Variants in EYA1 observed in about 807,000 individuals in gnomAD.
EYA1 encodes the protein protein phosphatase EYA1.
EYA1 carries 16 observed loss-of-function variants against 82.0 expected under a neutral mutation model. That is an observed-to-expected ratio of 0.20 (90% confidence interval 0.13 to 0.30). The LOEUF (loss-of-function observed/expected upper bound fraction) is 0.30, where lower values mean the gene tolerates loss of function less well. Among genes scored for constraint, EYA1 ranks in the 10% least tolerant of loss-of-function variants. The pLI is 1.00. For synonymous variants in EYA1, 261 were observed against 264.4 expected (o/e 0.99, Z 0.12); for missense variants, 633 against 730.7 (o/e 0.87, Z 1.54).
chr8:71,231,292 C>T (rs920637808), intron 12 of EYA1, among the ~76,000 whole-genome samples: 2 of 152,204 alleles, frequency 1.3e-5, no homozygotes, highest in East Asian at 3.9e-4. Flanking sequence ...TTACTGGTTA[C>T]CCTCGGCATC....
At chr8:71,264,087 G>T (rs1035871626) in intron 11 of EYA1, among the ~76,000 whole-genome samples, 1 of 152,140 alleles carries the variant, frequency 6.6e-6, no homozygotes, top group Non-Finnish European at 1.5e-5. Flanking sequence ...GAAAATGTTT[G>T]CCAACCCTTG....
At chr8:71,479,774 A>G (rs1001082234) in intron 2 of EYA1, among the ~76,000 whole-genome samples, 1 of 152,132 alleles carries the variant, frequency 6.6e-6, no homozygotes, top group African/African-American at 2.4e-5. Flanking sequence ...TCAACAGTGG[A>G]TAGGGTTTCC....
rs568475123 is a variant in EYA1 at position 71,330,314 on chromosome 8, T to C, written c.202+3783A>G. On this transcript the variant is annotated intron_variant, in intron 4 of 17. Transcript: ENST00000340726. ...TGTTTCAGTGGAAAAGTTATTCCTT[T>C]TCTAGCCTGATCCGCTTCTGTTTTG... 4.6e-5 allele frequency among the ~76,000 whole-genome samples: 7 copies of C among 152,304 alleles called. No homozygotes were observed. The South Asian group carries it at 1.4e-3, about 32-fold the overall frequency.
intron 3 of EYA1, among the ~76,000 whole-genome samples, chr8:71,353,843 G>A (rs927224028): frequency 1.3e-5 from 2 of 152,238 alleles, no homozygotes; most frequent in Non-Finnish European, 1.5e-5. Context: ...TTCTAACATG[G>A]ATAATTTATT....
intron 2 of EYA1, among the ~76,000 whole-genome samples, chr8:71,461,614 A>G (rs545182979): frequency 6.6e-6 from 1 of 152,266 alleles, no homozygotes; most frequent in African/African-American, 2.4e-5. Flanking sequence ...AGGAAGGGGC[A>G]TGTTTCAGCC....
intron 2 of EYA1, among the ~76,000 whole-genome samples, chr8:71,416,486 G>T (rs1292191118): frequency 6.6e-6 from 1 of 152,108 alleles, no homozygotes; most frequent in Non-Finnish European, 1.5e-5. Flanking sequence ...ATGCAAAATG[G>T]AAAAACAGAA....
intron 2 of EYA1, among the ~76,000 whole-genome samples, chr8:71,526,213 T>C (rs923743518): frequency 2.0e-5 from 3 of 147,924 alleles, no homozygotes; most frequent in African/African-American, 7.4e-5. Context: ...AGAGTCATAT[T>C]AATGTATATT....
intron 3 of EYA1, among the ~76,000 whole-genome samples, chr8:71,345,594 TACAAAACTGCTCTC>T (rs754820605): frequency 6.6e-6 from 1 of 152,198 alleles, no homozygotes; most frequent in Non-Finnish European, 1.5e-5. Context: ...TAAGTCCGAC[TACAAAACTGCTCTC>T]ACAAGCATGC....
chr8:71,277,115 A>ATGCTTTTTTTTTTTTTTTTTTTTTTTTTT (rs1563383057), intron 9 of EYA1, among the ~76,000 whole-genome samples: 1 of 76,938 alleles, frequency 1.3e-5, no homozygotes. Context: ...GGCTTCACAC[A>ATGCTTTTTTTTTTTTTTTTTTTTTTTTTT]TTTTTTTTTT....
At chr8:71,244,715 G>A in intron 11 of EYA1, 23 bp from the exon 12 acceptor site, 4 of 1,354,230 alleles carry the variant, frequency 3.0e-6, no homozygotes, top group Non-Finnish European at 4.2e-6. Flanking sequence ...TATGACAGGT[G>A]AAGAACATGT....
chr8:71,408,322 C>A (rs1652507922), intron 2 of EYA1, among the ~76,000 whole-genome samples: 1 of 151,476 alleles, frequency 6.6e-6, no homozygotes, highest in East Asian at 1.9e-4. Context: ...AACTAACGAG[C>A]AAAAACACCA....
At chr8:71,451,742 A>G (rs1000874607) in intron 2 of EYA1, among the ~76,000 whole-genome samples, 1 of 152,200 alleles carries the variant, frequency 6.6e-6, no homozygotes, top group Non-Finnish European at 1.5e-5. Context: ...GTCTTCCAAT[A>G]TCAAGTCACA....
intron 2 of EYA1, among the ~76,000 whole-genome samples, chr8:71,373,729 T>C (rs1320835627): frequency 6.6e-6 from 1 of 152,102 alleles, no homozygotes; most frequent in African/African-American, 2.4e-5. Flanking sequence ...CACGTCCTGA[T>C]TTCAAACTGT....
intron 2 of EYA1, among the ~76,000 whole-genome samples, chr8:71,443,305 C>T (rs1026023268): frequency 8.6e-5 from 13 of 151,866 alleles, no homozygotes; most frequent in East Asian, 7.7e-4. Flanking sequence ...ATTTTTTTGG[C>T]GGGGGGGATA....
At chr8:71,210,681 A>AT (rs765778467) in intron 17 of EYA1, among the ~76,000 whole-genome samples, 42 of 152,180 alleles carry the variant, frequency 2.8e-4, no homozygotes, top group Non-Finnish European at 4.9e-4. Flanking sequence ...GGACCTCATG[A>AT]TATGAAGAAG....
chr8:71,246,451 C>A (rs982429299), intron 11 of EYA1, among the ~76,000 whole-genome samples: 7 of 152,228 alleles, frequency 4.6e-5, no homozygotes, highest in African/African-American at 1.7e-4. Context: ...CCAATGTCAA[C>A]TTTGTACACT....
chr8:71,281,247 G>A (rs1465161605), intron 9 of EYA1, among the ~76,000 whole-genome samples: 3 of 152,106 alleles, frequency 2.0e-5, no homozygotes, highest in African/African-American at 7.2e-5. Flanking sequence ...TTTTGTCTGA[G>A]AATGTTTTTT....
chr8:71,377,501 C>A (rs73684761), intron 2 of EYA1, among the ~76,000 whole-genome samples: 3,774 of 152,220 alleles, frequency 0.025, 160 homozygotes, highest in African/African-American at 0.087. Context: ...TGATTCCAAT[C>A]GCAAGGATAT....
chr8:71,537,387 C>T (rs1156267849), intron 1 of EYA1, among the ~76,000 whole-genome samples: 2 of 152,154 alleles, frequency 1.3e-5, no homozygotes, highest in African/African-American at 2.4e-5. Context: ...TAAAACTCAA[C>T]AGCATTGCTT....
Sources: allele counts gnomAD v4.1 joint callset (sites outside exome capture counted in the v4.1 genomes callset), GRCh38; gene constraint gnomAD v4.1.1; transcripts MANE v1.5; gene names NCBI Gene and HGNC (gene_info 2026-07-23, HGNC 2026-07-21).